Variants in ALK observed in about 807,000 individuals in gnomAD.
ALK encodes ALK tyrosine kinase receptor.
ALK carries 74 observed loss-of-function variants against 163.1 expected under a neutral mutation model. The ratio of observed to expected loss-of-function variants is 0.45; its 90% CI spans 0.38 to 0.55. The LOEUF is 0.55. Ranked by LOEUF, ALK falls within the 20% of genes least tolerant of loss-of-function variation. ALK has a pLI of 0.00. For synonymous variants in ALK, 960 were observed against 843.2 expected, an observed-to-expected ratio of 1.14 and a Z score of -2.40; for missense variants, 2,063 against 2,105.3, an observed-to-expected ratio of 0.98 and a Z score of 0.39.
chr2:29,374,674 G>A (rs6753346), intron 5 of ALK, among the ~76,000 whole-genome samples: 8,332 of 152,224 alleles, frequency 0.055, 298 homozygotes, highest in East Asian at 0.14. Context: ...TGCAGGGGGC[G>A]CAGATGGAAC....
chr2:29,226,004 C>T (rs184631139), intron 18 of ALK, among the ~76,000 whole-genome samples: 2 of 152,270 alleles, frequency 1.3e-5, no homozygotes, highest in African/African-American at 4.8e-5. Flanking sequence ...CCTGTGCCCT[C>T]TGCTGGCCAG....
chr2:29,829,400 T>C (rs373591193), intron 1 of ALK, among the ~76,000 whole-genome samples: 2 of 152,110 alleles, frequency 1.3e-5, no homozygotes, highest in East Asian at 1.9e-4. Context: ...AGTTTGTAGA[T>C]TGTAGTGTCT....
At chr2:29,766,037 G>T (rs1680852600) in intron 1 of ALK, among the ~76,000 whole-genome samples, 1 of 152,170 alleles carries the variant, frequency 6.6e-6, no homozygotes, top group African/African-American at 2.4e-5. Context: ...ACTCTTTAAA[G>T]TCTTTTCATG....
intron 1 of ALK, among the ~76,000 whole-genome samples, chr2:29,892,550 C>T (rs1667169488): frequency 6.6e-6 from 1 of 152,178 alleles, no homozygotes; most frequent in Non-Finnish European, 1.5e-5. Flanking sequence ...AAGCACTTTA[C>T]AATCAATCAG....
intron 3 of ALK, among the ~76,000 whole-genome samples, chr2:29,565,405 GC>G (rs1674150282): frequency 6.6e-6 from 1 of 152,186 alleles, no homozygotes; most frequent in Admixed American, 6.5e-5. Context: ...TGTTTAGCAA[GC>G]CCAAAGGAAG....
chr2:29,516,856 T>C (rs989754553), intron 4 of ALK, among the ~76,000 whole-genome samples: 4 of 152,166 alleles, frequency 2.6e-5, no homozygotes, highest in African/African-American at 9.6e-5. Flanking sequence ...GGGTTAGCAG[T>C]GAGTATGTTA....
chr2:29,644,855 G>C (rs1406971226), intron 3 of ALK, among the ~76,000 whole-genome samples: 1 of 152,120 alleles, frequency 6.6e-6, no homozygotes, highest in Non-Finnish European at 1.5e-5. Context: ...CAGAAAATCA[G>C]AATTAATTAT....
intron 11 of ALK, among the ~76,000 whole-genome samples, chr2:29,253,422 G>T (rs1474036466): frequency 1.3e-5 from 2 of 152,108 alleles, no homozygotes; most frequent in Non-Finnish European, 2.9e-5. Flanking sequence ...AAAGAGGCTG[G>T]ATTGACATAT....
intron 1 of ALK, among the ~76,000 whole-genome samples, chr2:29,783,585 A>T (rs1261566153): frequency 1.3e-5 from 2 of 152,258 alleles, no homozygotes; most frequent in Non-Finnish European, 2.9e-5. Flanking sequence ...GAAAAAAATT[A>T]AAAATATCCT....
At chr2:29,300,447 G>A (rs1224349477) in intron 8 of ALK, among the ~76,000 whole-genome samples, 1 of 151,902 alleles carries the variant, frequency 6.6e-6, no homozygotes, top group Non-Finnish European at 1.5e-5. Flanking sequence ...TACTCAGGAG[G>A]CTGAGGCTGA....
intron 1 of ALK, among the ~76,000 whole-genome samples, chr2:29,830,151 C>T (rs912306558): frequency 1.3e-5 from 2 of 152,234 alleles, no homozygotes; most frequent in Non-Finnish European, 2.9e-5. Flanking sequence ...TAAATACTTT[C>T]AGGAAAACTT....
intron 4 of ALK, among the ~76,000 whole-genome samples, chr2:29,394,315 C>A (rs1199788872): frequency 7.8e-6 from 1 of 128,830 alleles, no homozygotes; most frequent in Admixed American, 8.3e-5. Context: ...ATTATCCAGA[C>A]CAGAAAAAAA....
chr2:29,371,576 G>C (rs1294274026), intron 5 of ALK, among the ~76,000 whole-genome samples: 10 of 152,196 alleles, frequency 6.6e-5, no homozygotes, highest in Admixed American at 6.5e-4. Context: ...CAAATCAACA[G>C]ATCAATTCTG....
At chr2:29,264,947 C>T (rs546293829) in intron 11 of ALK, among the ~76,000 whole-genome samples, 114 of 152,198 alleles carry the variant, frequency 7.5e-4, no homozygotes, top group Middle Eastern at 3.4e-3. Flanking sequence ...CACACAATTG[C>T]GCACACCAGC....
chr2:29,735,578 C>G (rs532947030), intron 1 of ALK, among the ~76,000 whole-genome samples: 3 of 151,932 alleles, frequency 2.0e-5, no homozygotes, highest in African/African-American at 7.3e-5. Flanking sequence ...ATGGTTTGAC[C>G]GTGTCCCCAC....
chr2:29,725,378 C>A (rs1204092534), intron 1 of ALK, among the ~76,000 whole-genome samples: 1 of 152,122 alleles, frequency 6.6e-6, no homozygotes. Flanking sequence ...TTTCCTAAAT[C>A]CTACCCCTTC....
intron 5 of ALK, among the ~76,000 whole-genome samples, chr2:29,369,154 C>T (rs1344037089): frequency 6.6e-6 from 1 of 152,178 alleles, no homozygotes; most frequent in Non-Finnish European, 1.5e-5. Context: ...TAGAGCCTTG[C>T]TTTTGCCATG....
At chr2:29,827,174 G>A (rs938090989) in intron 1 of ALK, among the ~76,000 whole-genome samples, 1 of 152,170 alleles carries the variant, frequency 6.6e-6, no homozygotes, top group South Asian at 2.1e-4. Context: ...GCAGATCAGA[G>A]GCAGCTCTGG....
Position 29,282,447 on chromosome 2 carries a change from G to T in ALK, c.1818-6951C>A, listed in dbSNP as rs115984942. ...GGGACCATCCTTGGCCATGTCAAACGCAATCATGGCTAGGAATGTGTGTCT... is the reference window on the plus strand; with the variant it reads ...GGGACCATCCTTGGCCATGTCAAACTCAATCATGGCTAGGAATGTGTGTCT... On this transcript the variant is annotated intron_variant, in intron 9 of 28. Transcript: ENST00000389048. 7.5e-3 allele frequency among the ~76,000 whole-genome samples: 1,145 copies of T among 152,248 alleles called. 12 individuals carry two copies. Among genetic ancestry groups the T allele is most frequent in the African/African-American group, 0.026 (1,069 of 41,548 alleles).
Sources: gnomAD v4.1 joint callset for allele counts (sites outside exome capture counted in the v4.1 genomes callset) on GRCh38, gnomAD v4.1.1 for gene constraint, MANE v1.5 for transcripts, NCBI Gene and HGNC (gene_info 2026-07-23, HGNC 2026-07-21) for gene names.